SCN3A: variants seen among roughly 807,000 people sequenced by gnomAD.
The protein encoded by SCN3A is sodium channel protein type 3 subunit alpha.
SCN3A carries 60 observed loss-of-function variants against 187.6 expected under a neutral mutation model. That is an observed-to-expected ratio of 0.32 (90% CI 0.26 to 0.40). The LOEUF (loss-of-function observed/expected upper bound fraction) is 0.40. SCN3A is among the 10% of genes least tolerant of loss of function. SCN3A has a pLI of 1.00. For missense variants in SCN3A, 1,601 were observed against 2,428.2 expected (o/e 0.66, Z 7.16); for synonymous variants, 788 against 829.2 (o/e 0.95, Z 0.85).
intron 1 of SCN3A, among the ~76,000 whole-genome samples, chr2:165,202,680 T>C (rs1314731009): frequency 6.6e-6 from 1 of 152,034 alleles, no homozygotes; most frequent in Non-Finnish European, 1.5e-5. Flanking sequence ...AAGTTCTATT[T>C]TTGAAGCCCT....
chr2:165,186,285 A>ACAG (rs60976030), intron 2 of SCN3A, among the ~76,000 whole-genome samples: 12,978 of 151,286 alleles, frequency 0.086, 1,299 homozygotes, highest in East Asian at 0.48. Flanking sequence ...AACAACAACA[A>ACAG]CAACAAAAAA....
intron 2 of SCN3A, among the ~76,000 whole-genome samples, chr2:165,186,180 G>A (rs1193593414): frequency 6.6e-6 from 1 of 152,110 alleles, no homozygotes; most frequent in Non-Finnish European, 1.5e-5. Context: ...TGAGGCAGGA[G>A]AATGGCGTGA....
intron 21 of SCN3A, among the ~76,000 whole-genome samples, chr2:165,111,497 AC>A (rs1686114497): frequency 2.0e-5 from 2 of 98,846 alleles, no homozygotes; most frequent in Admixed American, 8.6e-5. Context: ...ACACACACAC[AC>A]ACACACACAC....
intron 2 of SCN3A, among the ~76,000 whole-genome samples, chr2:165,181,005 A>C (rs372594178): frequency 6.6e-6 from 1 of 152,214 alleles, no homozygotes; most frequent in Non-Finnish European, 1.5e-5. Context: ...AATAATAAGC[A>C]CTTGTATGTT....
chr2:165,117,054 A>T (rs1178018822), intron 18 of SCN3A, among the ~76,000 whole-genome samples: 1 of 149,296 alleles, frequency 6.7e-6, no homozygotes, highest in Non-Finnish European at 1.5e-5. Context: ...TATAGCCAGG[A>T]TATTTTTATT....
At chr2:165,171,310 A>G (rs1416989618) in intron 3 of SCN3A, among the ~76,000 whole-genome samples, 6 of 151,940 alleles carry the variant, frequency 3.9e-5, no homozygotes, top group Non-Finnish European at 7.4e-5. Flanking sequence ...AACTCTCCCT[A>G]TGACTCTGAA....
chr2:165,196,545 C>G (rs1343799244), intron 1 of SCN3A, among the ~76,000 whole-genome samples: 4 of 152,082 alleles, frequency 2.6e-5, no homozygotes, highest in African/African-American at 9.7e-5. Flanking sequence ...CTCTATGTCT[C>G]CTACCCAGCT....
intron 1 of SCN3A, among the ~76,000 whole-genome samples, chr2:165,187,088 T>A (rs1691291209): frequency 6.6e-6 from 1 of 152,124 alleles, no homozygotes; most frequent in South Asian, 2.1e-4. Flanking sequence ...TCTTCCCTCC[T>A]TACATCTTCC....
At chr2:165,103,663 A>G (rs1388068664) in intron 21 of SCN3A, among the ~76,000 whole-genome samples, 1 of 152,204 alleles carries the variant, frequency 6.6e-6, no homozygotes, top group Non-Finnish European at 1.5e-5. Context: ...AAAGAAAAGA[A>G]TAATGCAGGA....
chr2:165,127,303 C>G (rs1461125156), intron 18 of SCN3A, among the ~76,000 whole-genome samples: 1 of 152,076 alleles, frequency 6.6e-6, no homozygotes, highest in Non-Finnish European at 1.5e-5. Flanking sequence ...CTCAAGTGAT[C>G]TGCCTCCTTG....
chr2:165,113,949 A>G lies in SCN3A; in HGVS notation c.3536T>C (p.Phe1179Ser), dbSNP rs1377399438. 1 of 1,607,164 alleles carries G rather than the reference A, an allele frequency of 6.2e-7. No homozygotes were observed. Among genetic ancestry groups the G allele is most frequent in the African/African-American group, 1.3e-5 (1 of 74,826 alleles). ...FTEGCIKKFPFCQVSTEEGKG... is the reference protein window; with the variant it reads ...FTEGCIKKFPSCQVSTEEGKG... The stretch of plus-strand genomic sequence containing the variant: ...GCCTTCTTCTGTACTTACTTGACAG[A>G]ATGGAAACTTTTTAATACATCCTAA... The change falls in exon 20 of 28, where the codon TTC becomes TCC. Residue 1179 changes from phenylalanine (F) to serine (S), a missense_variant. Phe to Ser is a radical substitution (Grantham distance 155). Transcript: ENST00000283254.
intron 18 of SCN3A, among the ~76,000 whole-genome samples, chr2:165,124,891 G>A (rs1347860300): frequency 1.3e-5 from 2 of 151,954 alleles, no homozygotes; most frequent in Non-Finnish European, 2.9e-5. Context: ...ACTCTAAACT[G>A]TTTTACTCTT....
chr2:165,132,373 T>G (rs1443926937), intron 15 of SCN3A, among the ~76,000 whole-genome samples: 1 of 152,198 alleles, frequency 6.6e-6, no homozygotes, highest in South Asian at 2.1e-4. Flanking sequence ...CTACCTGACT[T>G]CAAACTATAC....
Position 165,137,958 on chromosome 2 carries a change from A to C in SCN3A, c.2312T>G (p.Val771Gly). The C allele has an allele frequency of 6.2e-7, 1 of 1,613,562 alleles. No individual in the cohort carries two copies. Among genetic ancestry groups the C allele is most frequent in the Non-Finnish European group, 8.5e-7 (1 of 1,179,566 alleles). Residue 771 changes from valine (V) to glycine (G), a missense_variant, in exon 15 of 28, where the codon GTC becomes GGC. Physicochemically the swap from Val to Gly is moderately radical, Grantham distance 109. Around this residue, in one of 11 missense-constraint regions of SCN3A, gnomAD observed 376 missense variants for 476.0 expected, o/e 0.79. Transcript: ENST00000283254. ...FVDLAITICIVLNTLFMAMEH... is the reference protein window; with the variant it reads ...FVDLAITICIGLNTLFMAMEH... ...CATGGCCATAAAGAGGGTATTTAAG[A>C]CAATGCAAATAGTGATGGCAAGATC...
rs1232489540 is a variant in SCN3A, at chr2:165,140,547, T to G, written c.2019+104A>C. 1.0e-6 allele frequency: 1 copy of G among 954,268 alleles called. No individual in the cohort carries two copies. The highest frequency in any genetic ancestry group is 1.7e-6 in the Non-Finnish European group (1 of 595,712). 59.1% of individuals were successfully genotyped at this position (954,268 alleles called of 1,614,324 possible). ...TAATCATGTATTATTTTTACCAACTTTCATTTTGAGGAAGCAGGACGGTAT... is the reference window on the plus strand; with the variant it reads ...TAATCATGTATTATTTTTACCAACTGTCATTTTGAGGAAGCAGGACGGTAT... On this transcript the variant is annotated intron_variant, in intron 13 of 27. Coordinates refer to ENST00000283254, the MANE Select transcript of SCN3A (RefSeq NM_006922.4). This position sits in a 1 kb window ranked among gnomAD's most constrained non-coding sequence, Gnocchi z 4.2.
At position 165,094,254 on chromosome 2, in the gene SCN3A, C is replaced by A. The variant is rs1685251086; in HGVS notation, c.4536+120G>T. On this transcript the variant is annotated intron_variant, in intron 26 of 27. Coordinates refer to ENST00000283254, the MANE Select transcript of SCN3A (RefSeq NM_006922.4). Reference sequence around the variant, plus strand: ...TGTGAATTATGATGCAAAATATGAACTTTATAATTAGGGCTCAATATTGGT... The same window carrying A: ...TGTGAATTATGATGCAAAATATGAAATTTATAATTAGGGCTCAATATTGGT... 6 of 819,956 alleles carry A rather than the reference C, an allele frequency of 7.3e-6. No homozygotes were observed. In the African/African-American group the frequency reaches 8.5e-5, roughly 12 times the overall value. 50.8% of individuals were successfully genotyped at this position (819,956 alleles called of 1,614,324 possible).
chr2:165,149,106 C>G (rs1688523142), intron 11 of SCN3A, among the ~76,000 whole-genome samples: 1 of 152,022 alleles, frequency 6.6e-6, no homozygotes, highest in Non-Finnish European at 1.5e-5. Context: ...TTTGTCCCTG[C>G]AAACAAAGGA....
chr2:165,164,947 A>G (rs76252983), intron 5 of SCN3A, among the ~76,000 whole-genome samples: 1 of 152,214 alleles, frequency 6.6e-6, no homozygotes, highest in Non-Finnish European at 1.5e-5. Context: ...TATCTAAAAT[A>G]TGAAAATTCA....
chr2:165,124,059 C>T (rs941210122), intron 18 of SCN3A, among the ~76,000 whole-genome samples: 2 of 151,834 alleles, frequency 1.3e-5, no homozygotes, highest in Admixed American at 1.3e-4. Context: ...GTGATTTTCC[C>T]ACTAACATAT....
Sources: allele counts gnomAD v4.1 joint callset (sites outside exome capture counted in the v4.1 genomes callset), GRCh38; gene constraint gnomAD v4.1.1; regional missense constraint gnomAD v4.1.1; non-coding constraint Gnocchi (gnomAD v3.1); transcripts MANE v1.5; gene names NCBI Gene and HGNC (gene_info 2026-07-23, HGNC 2026-07-21).